ORMDL3: variants seen among roughly 807,000 people sequenced by gnomAD.
The protein encoded by ORMDL3 is ORMDL sphingolipid biosynthesis regulator 3.
Under a neutral mutation model 12.6 loss-of-function variants are expected in ORMDL3, and 6 were observed. The observed-to-expected ratio is 0.48, with a 90% CI of 0.26 to 0.94. The LOEUF is 0.94. Among genes scored for constraint, ORMDL3 ranks in the 40% least tolerant of loss-of-function variants. The probability of loss-of-function intolerance (pLI) is 0.14; values close to 1 mark genes in which losing one functional copy is unlikely to be tolerated. For missense variants in ORMDL3, 159 were observed against 205.5 expected, an observed-to-expected ratio of 0.77 and a Z score of 1.38; for synonymous variants, 99 against 87.2, an observed-to-expected ratio of 1.14 and a Z score of -0.75.
At chr17:39,927,072 T>C (rs955207901) in intron 1 of ORMDL3, 22 of 935,776 alleles carry the variant, frequency 2.4e-5, no homozygotes, top group Admixed American at 1.2e-4. Flanking sequence ...CTCACTGTTG[T>C]TGGGGTTTTC....
intron 1 of ORMDL3, chr17:39,926,923 C>G (rs572222206): frequency 2.1e-5 from 21 of 985,998 alleles, no homozygotes; most frequent in African/African-American, 7.0e-5. Context: ...CGCCCACCCC[C>G]CAAGCTGCAG....
chr17:39,923,204 G>C lies in ORMDL3; in HGVS notation c.234C>G (p.Gly78=), dbSNP rs1568111934. 1 of 1,614,186 alleles carries C rather than the reference G, an allele frequency of 6.2e-7. No homozygotes were observed. The highest frequency in any genetic ancestry group is 8.5e-7 in the Non-Finnish European group (1 of 1,180,012). Residue 78 remains glycine (G), a synonymous_variant, in exon 3 of 4, where the codon GGC becomes GGG. Transcript: ENST00000304046. ...KGTPFETPDQ[G]KARLLTHWEQ... ...CCCAGTGGGTTAGCAGCCTCGCCTT[G>C]CCCTGGTCCGGGGTCTCAAAGGGTG...
At chr17:39,924,574 G>A (rs1274323898) in intron 1 of ORMDL3, among the ~76,000 whole-genome samples, 1 of 152,134 alleles carries the variant, frequency 6.6e-6, no homozygotes, top group African/African-American at 2.4e-5. Context: ...AGGACCCTCT[G>A]CCGACAAAGC....
intron 2 of ORMDL3, 143 bp downstream of exon 2, chr17:39,923,887 T>G: frequency 1.2e-6 from 1 of 821,038 alleles, no homozygotes; most frequent in Non-Finnish European, 1.8e-6. Context: ...GGGCTAGGCC[T>G]GGGCTCTGGA....
At position 39,922,212 on chromosome 17, in the gene ORMDL3, G is replaced by A. The variant is rs1978300382; in HGVS notation, c.*338C>T. The A allele has an allele frequency of 4.9e-6, 1 of 204,420 alleles. No homozygotes were observed. The highest frequency in any genetic ancestry group is 9.9e-6 in the Non-Finnish European group (1 of 101,288). The allele number at this position is 204,420 out of a possible 1,614,324, so 12.7% of individuals were successfully genotyped here. On this transcript the variant is annotated 3_prime_UTR_variant, in exon 4 of 4. Transcript: ENST00000304046. ...GCCTGAGGGCAAACAAGTGAGCAGG[G>A]GTTTTTCCCCTGGCCTCCTGTCGCA...
In ORMDL3 at chr17:39,923,134, A is replaced by C. The variant is rs749949553; in HGVS notation, c.304T>G (p.Leu102Val). 1 of 1,614,112 alleles carries C rather than the reference A, an allele frequency of 6.2e-7. No homozygotes were observed. Among genetic ancestry groups the C allele is most frequent in the Non-Finnish European group, 8.5e-7 (1 of 1,180,042 alleles). The part of the protein sequence containing the change: ...GVQFTASRKF[L>V]TITPIVLYFL... ...CACAGCACGATGGGTGTGATGGTCA[A>C]GAACTTCCGAGAGGCCGTGAACTGG... Residue 102 changes from leucine to valine, a missense_variant, in exon 3 of 4, where the codon TTG becomes GTG. By Grantham distance (32) the Leu-to-Val change is conservative. Transcript: ENST00000304046.
At chr17:39,924,581 AAGCCCCAGGGAG>A (rs1203081310) in intron 1 of ORMDL3, among the ~76,000 whole-genome samples, 1 of 152,072 alleles carries the variant, frequency 6.6e-6, no homozygotes, top group Non-Finnish European at 1.5e-5. Flanking sequence ...TCTGCCGACA[AAGCCCCAGGGAG>A]AGAATTCTCA....
chr17:39,922,394 G>GC lies in ORMDL3; in HGVS notation c.*155dup. 1 of 916,182 alleles carries GC rather than the reference G, an allele frequency of 1.1e-6. No homozygotes were observed. The highest frequency in any genetic ancestry group is 1.6e-6 in the Non-Finnish European group (1 of 614,496). 56.8% of individuals were successfully genotyped at this position (916,182 alleles called of 1,614,324 possible). A position where few individuals can be genotyped will look rare whatever the true frequency, so the allele number is the denominator to read the frequency against. On this transcript the variant is annotated 3_prime_UTR_variant, in exon 4 of 4. Transcript: ENST00000304046. Reference sequence around the variant, plus strand: ...CCCCACTACAAGCTACTCCAAGTTGGCTACTGGGGGAAGCGAGGGGGGAAA... The same window carrying GC: ...CCCCACTACAAGCTACTCCAAGTTGGCCTACTGGGGGAAGCGAGGGGGGAAA...
At position 39,922,683 on chromosome 17, in the gene ORMDL3, T is replaced by C. The variant is rs1318164928; in HGVS notation, c.329A>G (p.Tyr110Cys). The C allele has an allele frequency of 1.9e-6, 3 of 1,613,458 alleles. No individual in the cohort carries two copies. The highest frequency in any genetic ancestry group is 1.7e-5 in the Admixed American group (1 of 59,942). ...CTTAGTGTAGAAGCTGGTGAGGAAG[T>C]ACCTGGGAGGGGAAGGGTGGGGAGA... ...KFLTITPIVL[Y>C]FLTSFYTKYD... The change falls in exon 4 of 4, where the codon TAC (tyrosine) becomes TGC (cysteine). Residue 110 changes from tyrosine (Y) to cysteine (C), a missense_variant and splice_region_variant. Physicochemically the swap from Tyr to Cys is radical, Grantham distance 194 (BLOSUM62 -2). Transcript: ENST00000304046.
Position 39,922,623 on chromosome 17 carries a change from G to A in ORMDL3, c.389C>T (p.Ser130Phe). The change falls in exon 4 of 4, where the codon TCC becomes TTC. Residue 130 changes from serine (S) to phenylalanine (F), a missense_variant. Transcript: ENST00000304046. ...DQIHFVLNTV[S>F]LMSVLIPKLP... ...CTTGGGGATAAGCACGCTCATCAGGGACACGGTGTTGAGCACAAAATGGAT... is the reference window on the plus strand; with the variant it reads ...CTTGGGGATAAGCACGCTCATCAGGAACACGGTGTTGAGCACAAAATGGAT... 2 of 1,614,176 alleles carry A rather than the reference G, an allele frequency of 1.2e-6. No individual in the cohort carries two copies. Among genetic ancestry groups the A allele is most frequent in the Non-Finnish European group, 1.7e-6 (2 of 1,180,012 alleles).
At chr17:39,923,303 AG>A in intron 2 of ORMDL3, 40 bp from the exon 3 acceptor site, 1 of 1,606,148 alleles carries the variant, frequency 6.2e-7, no homozygotes, top group Non-Finnish European at 8.5e-7. Context: ...CAAAAGGGAA[AG>A]GCCCCCCTGC....
chr17:39,924,226 C>T lies in ORMDL3; in HGVS notation c.-22-1G>A. Reference sequence around the variant, plus strand: ...CATCCTGCTGCCCCTCTCTGCTGTTCTGCAAACAAGCAGCACAGGTCAGAC... The same window carrying T: ...CATCCTGCTGCCCCTCTCTGCTGTTTTGCAAACAAGCAGCACAGGTCAGAC... On this transcript the variant is annotated splice_acceptor_variant, in intron 1 of 3. Transcript: ENST00000304046. LOFTEE classifies it low-confidence loss of function (5UTR_SPLICE). 6.3e-7 allele frequency: 1 copy of T among 1,586,352 alleles called. No individual in the cohort carries two copies. The highest frequency in any genetic ancestry group is 8.6e-7 in the Non-Finnish European group (1 of 1,165,134).
rs1257213177 is a variant in ORMDL3 at position 39,921,507 on chromosome 17, T to C, written c.*1043A>G. 6.6e-6 allele frequency: 1 copy of C among 152,334 alleles called. No homozygotes were observed. Among genetic ancestry groups the C allele is most frequent in the Non-Finnish European group, 1.5e-5 (1 of 68,068 alleles). 9.4% of individuals were successfully genotyped at this position (152,334 alleles called of 1,614,324 possible). On this transcript the variant is annotated 3_prime_UTR_variant, in exon 4 of 4. Coordinates refer to ENST00000304046, the MANE Select transcript of ORMDL3 (RefSeq NM_139280.4). ...CCCAGTGCCAGTCTGTATGAGGAAG[T>C]TAAGGGGTGAGGGCCTGCAGAGGAC...
intron 2 of ORMDL3, 85 bp from the exon 3 acceptor site, chr17:39,923,348 C>G: frequency 6.8e-7 from 1 of 1,472,818 alleles, no homozygotes; most frequent in Non-Finnish European, 9.4e-7. Context: ...ACACAAGTAA[C>G]TCCCAGTGAT....
intron 1 of ORMDL3, chr17:39,925,481 G>A (rs1328510337): frequency 6.6e-6 from 1 of 152,198 alleles, no homozygotes; most frequent in Non-Finnish European, 1.5e-5. Context: ...CATGGTAACA[G>A]CCCCATCTTT....
intron 1 of ORMDL3, 109 bp downstream of exon 1, chr17:39,927,375 C>G (rs952006731): frequency 2.7e-5 from 21 of 786,136 alleles, no homozygotes; most frequent in Non-Finnish European, 3.2e-5. Context: ...CTCCACCCCC[C>G]ACTCCCTCTG....
chr17:39,924,354 A>C, intron 1 of ORMDL3, 129 bp from the exon 2 acceptor site: 2 of 844,542 alleles, frequency 2.4e-6, no homozygotes, highest in South Asian at 1.9e-5. Context: ...TTTGATTCTG[A>C]AGCATGGAAA....
At chr17:39,922,994 C>T in intron 3 of ORMDL3, 118 bp downstream of exon 3, 2 of 1,363,188 alleles carry the variant, frequency 1.5e-6, no homozygotes, top group Non-Finnish European at 2.0e-6. Context: ...AATATTCCAA[C>T]TTCCTCTGTT....
At chr17:39,926,950 C>G in intron 1 of ORMDL3, 5 of 985,852 alleles carry the variant, frequency 5.1e-6, no homozygotes, top group Non-Finnish European at 6.0e-6. Context: ...AGCTGATAAC[C>G]TCTCAACTTT....
Sources: allele counts gnomAD v4.1 joint callset (sites outside exome capture counted in the v4.1 genomes callset), GRCh38; gene constraint gnomAD v4.1.1; transcripts MANE v1.5; gene names NCBI Gene and HGNC (gene_info 2026-07-23, HGNC 2026-07-21).